The following PRPSAP2 variants were observed in gnomAD, a reference collection of about 807,000 sequenced individuals.
PRPSAP2 encodes the protein phosphoribosyl pyrophosphate synthase-associated protein 2.
A neutral mutation model predicts 40.6 loss-of-function variants in PRPSAP2; 24 were observed. The observed-to-expected ratio is 0.59, with a 90% CI of 0.43 to 0.83. PRPSAP2 has a LOEUF of 0.83. PRPSAP2 is among the 40% of genes least tolerant of loss of function. The probability of loss-of-function intolerance (pLI) is 0.00; values close to 1 mark genes in which losing one functional copy is unlikely to be tolerated. For synonymous variants in PRPSAP2, 149 were observed against 164.7 expected (o/e 0.90, Z 0.73); for missense variants, 292 against 465.6 (o/e 0.63, Z 3.43).
At chr17:18,881,305 G>A (rs1204395717) in intron 6 of PRPSAP2, among the ~76,000 whole-genome samples, 1 of 150,154 alleles carries the variant, frequency 6.7e-6, no homozygotes, top group Non-Finnish European at 1.5e-5. Context: ...GTGCGATCTC[G>A]GCTCACTGCA....
intron 8 of PRPSAP2, among the ~76,000 whole-genome samples, chr17:18,893,911 C>T (rs897557093): frequency 1.3e-5 from 2 of 151,924 alleles, no homozygotes; most frequent in African/African-American, 4.8e-5. Flanking sequence ...TCTTGTTGCC[C>T]GGGCTGCACA....
intron 6 of PRPSAP2, among the ~76,000 whole-genome samples, chr17:18,881,266 C>A (rs2038711426): frequency 1.3e-5 from 2 of 151,274 alleles, no homozygotes; most frequent in South Asian, 4.2e-4. Context: ...GACCAAGTCT[C>A]CCCCTTTCAC....
At chr17:18,918,130 G>T (rs1243552730) in intron 9 of PRPSAP2, among the ~76,000 whole-genome samples, 1 of 152,150 alleles carries the variant, frequency 6.6e-6, no homozygotes, top group African/African-American at 2.4e-5. Flanking sequence ...ACGCAGCTGG[G>T]ATTCCAGCTA....
At chr17:18,874,530 C>T (rs1365060767) in intron 5 of PRPSAP2, among the ~76,000 whole-genome samples, 1 of 152,196 alleles carries the variant, frequency 6.6e-6, no homozygotes, top group East Asian at 1.9e-4. Context: ...CCCATCTCTC[C>T]TGGGAAGAGG....
At chr17:18,927,770 C>T (rs1341738950) in intron 10 of PRPSAP2, among the ~76,000 whole-genome samples, 4 of 151,428 alleles carry the variant, frequency 2.6e-5, no homozygotes, top group South Asian at 2.1e-4. Flanking sequence ...TTTAAAGTAG[C>T]GTGTGTGTGT....
Position 18,865,894 on chromosome 17 carries a change from G to C in PRPSAP2, c.61G>C (p.Val21Leu). 6.5e-7 allele frequency: 1 copy of C among 1,544,538 alleles called. No homozygotes were observed. The highest frequency in any genetic ancestry group is 1.4e-5 in the African/African-American group (1 of 73,722). ...TKMNITKGGL[V>L]LFSANSNSSC... The stretch of plus-strand genomic sequence containing the variant: ...GATGAACATAACCAAAGGTGGTCTG[G>C]TGTTGTTTTCAGCAAACTCGAATTC... Residue 21 changes from valine to leucine, a missense_variant, in exon 3 of 12, where the codon GTG becomes CTG. Val to Leu is a conservative substitution (Grantham distance 32). Around this residue, in one of 2 missense-constraint regions of PRPSAP2, gnomAD observed 51 missense variants for 40.0 expected, o/e 1.28. Coordinates refer to ENST00000268835, the MANE Select transcript of PRPSAP2 (RefSeq NM_002767.4).
chr17:18,904,624 G>A (rs1381551906), intron 8 of PRPSAP2: 1 of 152,246 alleles, frequency 6.6e-6, no homozygotes. Flanking sequence ...ATAGGTCGAA[G>A]TCCAGAGCTA....
chr17:18,923,960 T>C lies in PRPSAP2; in HGVS notation c.780T>C (p.Val260=). The C allele has an allele frequency of 6.2e-7, 1 of 1,613,842 alleles. No homozygotes were observed. Residue 260 remains valine, a synonymous_variant, in exon 10 of 12, where the codon GTT becomes GTC. Transcript: ENST00000268835. The part of the protein sequence containing the change: ...EKPPITVVGD[V]GGRIAIIVDD... The stretch of plus-strand genomic sequence containing the variant: ...CCCCAATCACGGTTGTGGGTGATGT[T>C]GGAGGAAGGATTGCCATCATCGTGG...
chr17:18,930,704 C>A lies in PRPSAP2; in HGVS notation c.*6C>A, dbSNP rs2042215368. ...ACATAGGCTTAGATGACTGAGTTTT[C>A]CTTTAGGAAAACTCCCGAGGGCCAA... On this transcript the variant is annotated 3_prime_UTR_variant, in exon 12 of 12. Coordinates refer to ENST00000268835, the MANE Select transcript of PRPSAP2 (RefSeq NM_002767.4). 6.2e-7 allele frequency: 1 copy of A among 1,605,078 alleles called. No homozygotes were observed. Among genetic ancestry groups the A allele is most frequent in the African/African-American group, 1.3e-5 (1 of 74,536 alleles).
At chr17:18,924,546 A>G (rs893130900) in intron 10 of PRPSAP2, among the ~76,000 whole-genome samples, 1 of 151,934 alleles carries the variant, frequency 6.6e-6, no homozygotes, top group African/African-American at 2.4e-5. Context: ...AGGCAGGCCA[A>G]TCGCTTGGGC....
Position 18,887,857 on chromosome 17 carries a change from TA to T in PRPSAP2, c.529-1964del, listed in dbSNP as rs1212961951. ...TTCTTTCTTTTTTTTTTTTTTAATT[TA>T]TTTTTTTATTGATAATTCTTGGGTG... On this transcript the variant is annotated intron_variant, in intron 7 of 11. Transcript: ENST00000268835. 8.0e-4 allele frequency among the ~76,000 whole-genome samples: 27 copies of T among 33,848 alleles called. 7 individuals are homozygous for T. Among genetic ancestry groups the T allele is most frequent in the Non-Finnish European group, 1.7e-3 (23 of 13,450 alleles). The allele number at this position is 33,848 out of a possible 152,430, so 22.2% of individuals were successfully genotyped here. A position where few individuals can be genotyped will look rare whatever the true frequency, so the allele number is the denominator to read the frequency against.
At chr17:18,887,173 T>A (rs2039225126) in intron 7 of PRPSAP2, among the ~76,000 whole-genome samples, 1 of 151,570 alleles carries the variant, frequency 6.6e-6, no homozygotes, top group Admixed American at 6.6e-5. Context: ...AAACTCAGGT[T>A]ATCCACCCGC....
At position 18,882,455 on chromosome 17, in the gene PRPSAP2, T is replaced by C. The variant is rs1386236009; in HGVS notation, c.413-113T>C. The C allele has an allele frequency of 7.2e-6, 5 of 695,956 alleles. No individual in the cohort carries two copies. In the African/African-American group the frequency reaches 8.9e-5, roughly 12 times the overall value. 43.1% of individuals were successfully genotyped at this position (695,956 alleles called of 1,614,324 possible). On this transcript the variant is annotated intron_variant, in intron 6 of 11. Transcript: ENST00000268835. ...CAGCCTAGGAGTTCAAGGCTGCAGT[T>C]AGCTATGGTCATGCCACTGCACTCC...
chr17:18,886,514 C>T (rs1212005801), intron 7 of PRPSAP2, among the ~76,000 whole-genome samples: 1 of 152,172 alleles, frequency 6.6e-6, no homozygotes, highest in African/African-American at 2.4e-5. Context: ...CCTACCACCA[C>T]GCCTGGCTAA....
chr17:18,897,464 G>T (rs2039981147), intron 8 of PRPSAP2, among the ~76,000 whole-genome samples: 1 of 151,804 alleles, frequency 6.6e-6, no homozygotes, highest in African/African-American at 2.4e-5. Context: ...TGTTGTTGTT[G>T]TTGTTGTTGT....
chr17:18,923,924 T>G lies in PRPSAP2; in HGVS notation c.744T>G (p.Pro248=). The G allele has an allele frequency of 1.9e-6, 3 of 1,613,642 alleles. No individual in the cohort carries two copies. The South Asian group carries it at 3.3e-5, about 18-fold the overall frequency. The change falls in exon 10 of 12, where the codon CCT becomes CCG. Residue 248 remains proline, a synonymous_variant. Coordinates refer to ENST00000268835, the MANE Select transcript of PRPSAP2 (RefSeq NM_002767.4). ...HPSLEIPMLI[P]KEKPPITVVG... The stretch of plus-strand genomic sequence containing the variant: ...TTTTATTCCAACCAGTGCTGATTCC[T>G]AAAGAAAAGCCCCCAATCACGGTTG...
At chr17:18,899,518 A>ATT (rs1485609656) in intron 8 of PRPSAP2, among the ~76,000 whole-genome samples, 4 of 74,804 alleles carry the variant, frequency 5.3e-5, no homozygotes, top group Non-Finnish European at 8.8e-5. Context: ...TATCCAACTG[A>ATT]GTTTTTTTTT....
intron 1 of PRPSAP2, chr17:18,859,564 G>A (rs2036844563): frequency 6.6e-6 from 1 of 152,228 alleles, no homozygotes; most frequent in African/African-American, 2.4e-5. Context: ...TAAGCATTGT[G>A]AACACTCAGA....
chr17:18,928,537 T>C (rs1751642123), intron 10 of PRPSAP2: 1 of 425,326 alleles, frequency 2.4e-6, no homozygotes, highest in African/African-American at 2.0e-5. Flanking sequence ...CCAGTTATGG[T>C]GCAGAAAACA....
Sources: gnomAD v4.1 joint callset for allele counts (sites outside exome capture counted in the v4.1 genomes callset) on GRCh38, gnomAD v4.1.1 for gene constraint, gnomAD v4.1.1 regional missense constraint, MANE v1.5 for transcripts, NCBI Gene and HGNC (gene_info 2026-07-23, HGNC 2026-07-21) for gene names.